Variants in PCDH11X observed in about 807,000 individuals in gnomAD.
PCDH11X encodes the protein protocadherin-11 X-linked.
In PCDH11X, 18 loss-of-function variants were observed where a neutral mutation model predicts 53.3. That is an observed-to-expected ratio of 0.34 (90% CI 0.23 to 0.50). PCDH11X has a LOEUF of 0.50. PCDH11X is among the 20% of genes least tolerant of loss of function. PCDH11X has a pLI of 0.98. For missense variants in PCDH11X, 570 were observed against 1,032.4 expected (o/e 0.55, Z 6.14); for synonymous variants, 279 against 393.3 (o/e 0.71, Z 3.44).
At chrX:92,256,615 A>G (rs976331637) in intron 7 of PCDH11X, among the ~76,000 whole-genome samples, 2 of 111,489 alleles carry the variant, frequency 1.8e-5, no homozygotes, top group African/African-American at 3.3e-5. Flanking sequence ...TTACATGGGT[A>G]AATGTGTGCC....
chrX:92,367,463 T>G (rs1251512132), intron 8 of PCDH11X, among the ~76,000 whole-genome samples: 2 of 111,189 alleles, frequency 1.8e-5, no homozygotes, highest in East Asian at 5.7e-4. Context: ...TGCCAGTCTG[T>G]GTCTTTTAAT....
chrX:92,416,457 C>G (rs1204266555), intron 9 of PCDH11X, among the ~76,000 whole-genome samples: 48 of 109,759 alleles, frequency 4.4e-4, no homozygotes, highest in African/African-American at 1.5e-3. Context: ...CTCCTACATA[C>G]TCACAAAATT....
At chrX:91,796,405 A>T (rs1379197976) in intron 1 of PCDH11X, among the ~76,000 whole-genome samples, 1 of 111,248 alleles carries the variant, frequency 9.0e-6, no homozygotes, top group Non-Finnish European at 1.9e-5. Context: ...TTAATTGCAT[A>T]ACTATTTTGA....
chrX:92,367,902 C>T (rs1261491882), intron 8 of PCDH11X, among the ~76,000 whole-genome samples: 4 of 108,089 alleles, frequency 3.7e-5, no homozygotes, highest in Non-Finnish European at 7.6e-5. Flanking sequence ...GGTAACCTAC[C>T]TTTCTCTCTG....
At chrX:92,041,160 A>AT (rs2148030680) in intron 6 of PCDH11X, among the ~76,000 whole-genome samples, 1 of 102,745 alleles carries the variant, frequency 9.7e-6, no homozygotes, top group African/African-American at 3.5e-5. Context: ...TATACAATAT[A>AT]TTTTTACCAA....
At chrX:92,062,215 A>C (rs2063533724) in intron 6 of PCDH11X, among the ~76,000 whole-genome samples, 1 of 111,427 alleles carries the variant, frequency 9.0e-6, no homozygotes, top group South Asian at 3.8e-4. Context: ...AGGAGCTTTG[A>C]GGCAAAGACT....
At chrX:92,467,184 T>C (rs2073172511) in intron 9 of PCDH11X, among the ~76,000 whole-genome samples, 2 of 111,202 alleles carry the variant, frequency 1.8e-5, no homozygotes, top group Non-Finnish European at 3.8e-5. Flanking sequence ...TTACATTGCA[T>C]ACAGATGAAA....
At chrX:92,350,724 C>T (rs1482419340) in intron 8 of PCDH11X, among the ~76,000 whole-genome samples, 1 of 111,577 alleles carries the variant, frequency 9.0e-6, no homozygotes, top group Non-Finnish European at 1.9e-5. Context: ...AGTCTCCACA[C>T]GCTGCTCTGT....
At position 92,403,978 on chromosome X, in the gene PCDH11X, G is replaced by A. The variant is rs149075375; in HGVS notation, c.3343+16045G>A. Among the ~76,000 whole-genome samples the A allele has an allele frequency of 1.5e-3, 161 of 109,848 alleles. 1 individual carries two copies. In the East Asian group the frequency reaches 0.043, roughly 29 times the overall value. Reference sequence around the variant, plus strand: ...TGAGTTCTGCAAAATGGTGATAGCGGCAGAATATAAGAAGACGTCACTGAA... The same window carrying A: ...TGAGTTCTGCAAAATGGTGATAGCGACAGAATATAAGAAGACGTCACTGAA... On this transcript the variant is annotated intron_variant, in intron 9 of 10. Coordinates refer to ENST00000682573, the MANE Select transcript of PCDH11X (RefSeq NM_032968.5).
chrX:91,810,993 G>T (rs1936275624), intron 3 of PCDH11X: 1 of 137,645 alleles, frequency 7.3e-6, no homozygotes, highest in Non-Finnish European at 1.3e-5. Context: ...AATAAGGATA[G>T]CAGAGACTTC....
At chrX:91,907,447 A>G (rs1383742971) in intron 6 of PCDH11X, among the ~76,000 whole-genome samples, 1 of 97,736 alleles carries the variant, frequency 1.0e-5, no homozygotes, top group Non-Finnish European at 2.1e-5. Context: ...AGAGAGGCTG[A>G]CATAAATTTA....
At chrX:92,115,703 C>T (rs2064624123) in intron 6 of PCDH11X, among the ~76,000 whole-genome samples, 2 of 111,079 alleles carry the variant, frequency 1.8e-5, no homozygotes, top group Admixed American at 1.9e-4. Context: ...AACTGAAGAA[C>T]CTGGAGTCTG....
chrX:91,892,509 A>AT (rs750337829), intron 6 of PCDH11X, among the ~76,000 whole-genome samples: 1 of 109,984 alleles, frequency 9.1e-6, no homozygotes, highest in East Asian at 2.9e-4. Flanking sequence ...TGCACCTCAT[A>AT]TTTTTGTCAT....
rs780555348 is a variant in PCDH11X, at chrX:92,191,482, G to A, written c.3034-9893G>A. 3.6e-5 allele frequency among the ~76,000 whole-genome samples: 4 copies of A among 111,823 alleles called. No homozygotes were observed. The South Asian group carries it at 1.5e-3, about 41-fold the overall frequency. ...GAGAAATTAGAAACGTCATTATTAT[G>A]TAAGGGGTTTTAATATAATCAAAAT... On this transcript the variant is annotated intron_variant, in intron 6 of 10. Coordinates refer to ENST00000682573, the MANE Select transcript of PCDH11X (RefSeq NM_032968.5).
At chrX:92,429,921 TTCTG>T (rs2072213175) in intron 9 of PCDH11X, among the ~76,000 whole-genome samples, 1 of 107,568 alleles carries the variant, frequency 9.3e-6, no homozygotes, top group Non-Finnish European at 1.9e-5. Context: ...TCTTGGGAGA[TTCTG>T]TCTGTGTACA....
intron 6 of PCDH11X, among the ~76,000 whole-genome samples, chrX:92,076,374 A>G (rs2563008): frequency 0.099 from 7,904 of 80,118 alleles, 1,239 homozygotes; most frequent in African/African-American, 0.31. Flanking sequence ...GTGCAATGTA[A>G]TGAGAGGCCA....
intron 6 of PCDH11X, among the ~76,000 whole-genome samples, chrX:91,960,204 TC>T: frequency 9.5e-6 from 1 of 105,718 alleles, no homozygotes; most frequent in African/African-American, 3.5e-5. Context: ...ATAAACATTT[TC>T]TTTCATTCTT....
chrX:92,073,533 A>T (rs182866804), intron 6 of PCDH11X, among the ~76,000 whole-genome samples: 2 of 112,781 alleles, frequency 1.8e-5, no homozygotes, highest in African/African-American at 6.4e-5. Context: ...ATAAAATAAG[A>T]TATCTTACCA....
At chrX:92,141,719 A>G (rs2065182618) in intron 6 of PCDH11X, among the ~76,000 whole-genome samples, 1 of 111,941 alleles carries the variant, frequency 8.9e-6, no homozygotes, top group South Asian at 3.7e-4. Context: ...TTCTAATGCA[A>G]TATTTTTATA....
Sources: allele counts gnomAD v4.1 joint callset (sites outside exome capture counted in the v4.1 genomes callset), GRCh38; gene constraint gnomAD v4.1.1; transcripts MANE v1.5; gene names NCBI Gene and HGNC (gene_info 2026-07-23, HGNC 2026-07-21).